Variants in EXOC6B observed in about 807,000 individuals in gnomAD.
EXOC6B encodes the protein SEC15 homolog B.
A neutral mutation model predicts 113.5 loss-of-function variants in EXOC6B; 54 were observed. The ratio of observed to expected loss-of-function variants is 0.48; its 90% CI spans 0.38 to 0.60. EXOC6B has a LOEUF of 0.60. EXOC6B is among the 20% of genes least tolerant of loss of function. EXOC6B has a pLI of 0.00. For missense variants in EXOC6B, 797 were observed against 977.5 expected, an observed-to-expected ratio of 0.82 and a Z score of 2.46; for synonymous variants, 357 against 339.0, an observed-to-expected ratio of 1.05 and a Z score of -0.58.
intron 6 of EXOC6B, among the ~76,000 whole-genome samples, chr2:72,644,742 A>C (rs1218161225): frequency 6.6e-6 from 1 of 151,914 alleles, no homozygotes; most frequent in African/African-American, 2.4e-5. Context: ...AAATGCTGAG[A>C]GATTTTGTCA....
At chr2:72,545,317 T>C (rs906555429) in intron 8 of EXOC6B, among the ~76,000 whole-genome samples, 1 of 152,124 alleles carries the variant, frequency 6.6e-6, no homozygotes, top group Non-Finnish European at 1.5e-5. Flanking sequence ...TATCAAGATA[T>C]ACCAAAAATG....
intron 6 of EXOC6B, among the ~76,000 whole-genome samples, chr2:72,645,595 C>T (rs1458864337): frequency 6.6e-6 from 1 of 152,212 alleles, no homozygotes; most frequent in African/African-American, 2.4e-5. Flanking sequence ...AACTGTCTTT[C>T]AGACCACAGC....
chr2:72,419,342 T>C (rs1371114335), intron 18 of EXOC6B, among the ~76,000 whole-genome samples: 2 of 152,232 alleles, frequency 1.3e-5, no homozygotes, highest in Non-Finnish European at 2.9e-5. Flanking sequence ...TTACAACTTC[T>C]CATTACAATA....
At chr2:72,599,895 A>T (rs1197650504) in intron 6 of EXOC6B, among the ~76,000 whole-genome samples, 1 of 152,206 alleles carries the variant, frequency 6.6e-6, no homozygotes, top group Non-Finnish European at 1.5e-5. Flanking sequence ...AGACCAAAAA[A>T]AAAACAGAAA....
At chr2:72,574,088 C>G (rs1475741585) in intron 7 of EXOC6B, among the ~76,000 whole-genome samples, 1 of 145,638 alleles carries the variant, frequency 6.9e-6, no homozygotes, top group Non-Finnish European at 1.5e-5. Context: ...TGCACTCCAG[C>G]CTGGGCGACA....
At chr2:72,513,092 TC>T (rs1701031790) in intron 11 of EXOC6B, 39 bp downstream of exon 11, 1 of 1,607,322 alleles carries the variant, frequency 6.2e-7, no homozygotes, top group Non-Finnish European at 8.5e-7. Context: ...ATATAGATAA[TC>T]AGCTCTAAAT....
intron 16 of EXOC6B, among the ~76,000 whole-genome samples, chr2:72,486,018 A>G (rs1158803373): frequency 6.6e-6 from 1 of 152,234 alleles, no homozygotes; most frequent in Non-Finnish European, 1.5e-5. Flanking sequence ...AATTCTTTAG[A>G]ACTAGTATTG....
At chr2:72,642,614 CA>C (rs1311250583) in intron 6 of EXOC6B, among the ~76,000 whole-genome samples, 1 of 146,120 alleles carries the variant, frequency 6.8e-6, no homozygotes, top group Non-Finnish European at 1.5e-5. Flanking sequence ...AAAATCAATT[CA>C]AGATGGATTA....
At chr2:72,719,583 T>G (rs1679865285) in intron 5 of EXOC6B, among the ~76,000 whole-genome samples, 1 of 152,224 alleles carries the variant, frequency 6.6e-6, no homozygotes, top group Non-Finnish European at 1.5e-5. Flanking sequence ...ACTTTAAAAC[T>G]GCTTTTAATG....
chr2:72,417,004 A>C (rs1694565623), intron 18 of EXOC6B, among the ~76,000 whole-genome samples: 1 of 152,160 alleles, frequency 6.6e-6, no homozygotes, highest in African/African-American at 2.4e-5. Context: ...CATAGGAACC[A>C]CCTTCTGTCC....
chr2:72,362,035 T>C (rs952781071), intron 19 of EXOC6B, among the ~76,000 whole-genome samples: 1 of 152,178 alleles, frequency 6.6e-6, no homozygotes, highest in Non-Finnish European at 1.5e-5. Flanking sequence ...ATCTCTACAT[T>C]GGTTTCCTTA....
intron 8 of EXOC6B, among the ~76,000 whole-genome samples, chr2:72,531,029 T>C (rs986486296): frequency 6.6e-6 from 1 of 152,142 alleles, no homozygotes; most frequent in African/African-American, 2.4e-5. Context: ...TATCTGCCTT[T>C]TTATTGATAT....
intron 6 of EXOC6B, among the ~76,000 whole-genome samples, chr2:72,651,484 T>C (rs1027556994): frequency 1.3e-5 from 2 of 152,156 alleles, no homozygotes; most frequent in African/African-American, 4.8e-5. Flanking sequence ...GAATAACTAA[T>C]CGATTAGTAA....
chr2:72,288,418 CA>C (rs1038932442), intron 20 of EXOC6B, among the ~76,000 whole-genome samples: 4 of 151,834 alleles, frequency 2.6e-5, no homozygotes, highest in South Asian at 2.1e-4. Flanking sequence ...GACAAGACAA[CA>C]AAAAAACTCA....
intron 6 of EXOC6B, among the ~76,000 whole-genome samples, chr2:72,591,951 A>G (rs1705993613): frequency 6.6e-6 from 1 of 152,048 alleles, no homozygotes; most frequent in African/African-American, 2.4e-5. Context: ...ATTTTTAAAA[A>G]CCATGTATTG....
chr2:72,700,081 T>C (rs1461197638), intron 6 of EXOC6B, among the ~76,000 whole-genome samples: 1 of 152,210 alleles, frequency 6.6e-6, no homozygotes, highest in African/African-American at 2.4e-5. Context: ...ACTATGCAAA[T>C]AGTTGTTATA....
At chr2:72,329,417 G>A (rs1259706497) in intron 20 of EXOC6B, among the ~76,000 whole-genome samples, 2 of 152,036 alleles carry the variant, frequency 1.3e-5, no homozygotes, top group African/African-American at 2.4e-5. Flanking sequence ...GGACAGTTTA[G>A]ACTGGTTATG....
At chr2:72,573,326 T>C (rs1269117052) in intron 7 of EXOC6B, among the ~76,000 whole-genome samples, 1 of 152,212 alleles carries the variant, frequency 6.6e-6, no homozygotes, top group African/African-American at 2.4e-5. Context: ...TCATGGGTAC[T>C]CAAAATGTAG....
At chr2:72,516,888 T>C (rs1701237234) in intron 8 of EXOC6B, among the ~76,000 whole-genome samples, 1 of 152,158 alleles carries the variant, frequency 6.6e-6, no homozygotes, top group African/African-American at 2.4e-5. Context: ...ATAAAATCAA[T>C]GATTAAAGTA....
Sources: allele counts gnomAD v4.1 joint callset (sites outside exome capture counted in the v4.1 genomes callset), GRCh38; gene constraint gnomAD v4.1.1; transcripts MANE v1.5; gene names NCBI Gene and HGNC (gene_info 2026-07-23, HGNC 2026-07-21).